PSD: variants seen among roughly 807,000 people sequenced by gnomAD.
PSD encodes pleckstrin and Sec7 domain containing.
In PSD, 32 loss-of-function variants were observed where a neutral mutation model predicts 91.6. That is an observed-to-expected ratio of 0.35 (90% CI 0.26 to 0.47). PSD has a LOEUF of 0.47. Among genes scored for constraint, PSD ranks in the 20% least tolerant of loss-of-function variants. The pLI is 1.00. For synonymous variants in PSD, 532 were observed against 569.3 expected (o/e 0.93, Z 0.93); for missense variants, 1,099 against 1,373.9 (o/e 0.80, Z 3.16).
chr10:102,407,192 C>T (rs886934402), intron 11 of PSD, 31 bp downstream of exon 11: 10 of 1,568,578 alleles, frequency 6.4e-6, no homozygotes, highest in Middle Eastern at 4.2e-4. Context: ...CATGCCCCAT[C>T]CTAGCCCCAC....
chr10:102,406,805 G>A (rs548099920), intron 11 of PSD, among the ~76,000 whole-genome samples: 20 of 152,142 alleles, frequency 1.3e-4, no homozygotes, highest in Non-Finnish European at 4.4e-5. Flanking sequence ...TCGCCTGGCC[G>A]AGTATCTATG....
chr10:102,408,218 G>C (rs2061384466), intron 10 of PSD, among the ~76,000 whole-genome samples: 1 of 152,198 alleles, frequency 6.6e-6, no homozygotes, highest in African/African-American at 2.4e-5. Flanking sequence ...CTGCATGTGA[G>C]CTGGGTGCAG....
rs762795440 is a variant in PSD at position 102,410,970 on chromosome 10, G to GT, written c.2002-24dup. 6.2e-7 allele frequency: 1 copy of GT among 1,612,608 alleles called. No homozygotes were observed. Among genetic ancestry groups the GT allele is most frequent in the Admixed American group, 1.7e-5 (1 of 60,022 alleles). ...GTTCTAAGGAAGGGAACGGAGGCCTGTGAGTTTGGAGGGCCCTTGGCCTCC... is the reference window on the plus strand; with the variant it reads ...GTTCTAAGGAAGGGAACGGAGGCCTGTTGAGTTTGGAGGGCCCTTGGCCTCC... On this transcript the variant is annotated intron_variant, in intron 9 of 16. Transcript: ENST00000020673. The surrounding 1 kb of genome is among the most constrained non-coding windows in gnomAD (Gnocchi z 6.0).
intron 1 of PSD, among the ~76,000 whole-genome samples, chr10:102,417,754 G>A (rs1331093767): frequency 2.0e-5 from 3 of 150,008 alleles, no homozygotes; most frequent in African/African-American, 7.4e-5. Context: ...TGCTGCCCAG[G>A]CTGGAGTGGA....
rs1029180797 is a variant in PSD, at chr10:102,412,669, G to A, written c.1554-94C>T. The A allele has an allele frequency of 4.0e-6, 4 of 1,011,224 alleles. No individual in the cohort carries two copies. The African/African-American group carries it at 6.5e-5, about 16-fold the overall frequency. The allele number at this position is 1,011,224 out of a possible 1,614,324, so 62.6% of individuals were successfully genotyped here. On this transcript the variant is annotated intron_variant, in intron 5 of 16. Transcript: ENST00000020673. ...CTCCAGGCCCAGAAGATGGAGAAGG[G>A]GAGGGAGTGGAGGGACATGGGGAAA... is the stretch of plus-strand genomic sequence containing the variant.
Position 102,415,161 on chromosome 10 carries a change from C to T in PSD, c.826G>A (p.Ala276Thr). The change falls in exon 4 of 17, where the codon GCT becomes ACT. Residue 276 changes from alanine to threonine, a missense_variant. Transcript: ENST00000020673. ...GVGSRQGSGV[A>T]VGRAAKYSET... ...GAGTACTTGGCTGCTCGCCCCACAG[C>T]CACCCCAGAGCCCTGCCTTGAGCCC... 1.2e-6 allele frequency: 2 copies of T among 1,613,378 alleles called. No homozygotes were observed. Among genetic ancestry groups the T allele is most frequent in the African/African-American group, 1.3e-5 (1 of 75,074 alleles).
Position 102,415,201 on chromosome 10 carries a change from TG to T in PSD, c.785del (p.Pro262HisfsTer32). ...SGAKPPEQAP[P>X]SPPGVGSRQG... ...GCCTTGAGCCCACCCCAGGTGGAGA[TG>T]GGGGGGCCTGCTCTGGGGGCTTAGC... On this transcript the variant is annotated frameshift_variant, in exon 4 of 17. Coordinates refer to ENST00000020673, the MANE Select transcript of PSD (RefSeq NM_002779.5). LOFTEE classifies it high-confidence loss of function. 1 of 1,611,186 alleles carries T rather than the reference TG, an allele frequency of 6.2e-7. No individual in the cohort carries two copies. The highest frequency in any genetic ancestry group is 1.1e-5 in the South Asian group (1 of 91,036).
rs1176552829 is a variant in PSD at position 102,404,693 on chromosome 10, T to C, written c.2590A>G (p.Ile864Val). 1.9e-6 allele frequency: 3 copies of C among 1,601,072 alleles called. No homozygotes were observed. Among genetic ancestry groups the C allele is most frequent in the Non-Finnish European group, 2.6e-6 (3 of 1,172,760 alleles). Reference sequence around the variant, plus strand: ...GAGAACATAGCGGCTACTACATTGATGCGAGTGATCCAGGACTGCATCTGC... The same window carrying C: ...GAGAACATAGCGGCTACTACATTGACGCGAGTGATCCAGGACTGCATCTGC... The part of the protein sequence containing the change: ...LEQMQSWITR[I>V]NVVAAMFSAP... Residue 864 changes from isoleucine (I) to valine (V), a missense_variant, in exon 15 of 17, where the codon ATC becomes GTC. Physicochemically the swap from Ile to Val is conservative, Grantham distance 29. Coordinates refer to ENST00000020673, the MANE Select transcript of PSD (RefSeq NM_002779.5). The surrounding 1 kb of genome is among the most constrained non-coding windows in gnomAD (Gnocchi z 5.7).
chr10:102,418,810 T>C (rs1296717246), upstream of PSD: 35 of 434,346 alleles, frequency 8.1e-5, no homozygotes, highest in Non-Finnish European at 1.4e-4. Flanking sequence ...CGCCTCTCAG[T>C]CCCTCCCCCT....
In PSD at chr10:102,403,569, G is replaced by T; in HGVS notation, c.2845-139C>A. 1.1e-6 allele frequency: 1 copy of T among 895,778 alleles called. No individual in the cohort carries two copies. The highest frequency in any genetic ancestry group is 1.7e-6 in the Non-Finnish European group (1 of 603,680). The allele number at this position is 895,778 out of a possible 1,614,324, so 55.5% of individuals were successfully genotyped here. On this transcript the variant is annotated intron_variant, in intron 16 of 16. Transcript: ENST00000020673. The surrounding 1 kb of genome is among the most constrained non-coding windows in gnomAD (Gnocchi z 6.7). ...ACTGTGAGATGGTCCCATGCGGGCT[G>T]GTGCCCCCTCTGGGCTCTCCTGGGA...
chr10:102,416,464 A>G lies in PSD; in HGVS notation c.575T>C (p.Leu192Pro). 1.2e-6 allele frequency: 2 copies of G among 1,613,320 alleles called. No individual in the cohort carries two copies. The highest frequency in any genetic ancestry group is 8.5e-7 in the Non-Finnish European group (1 of 1,179,700). The change falls in exon 2 of 17, where the codon CTC (leucine) becomes CCC (proline). Residue 192 changes from leucine (L) to proline (P), a missense_variant. Leu to Pro is a moderately conservative substitution (Grantham distance 98, BLOSUM62 -3). Transcript: ENST00000020673. The surrounding 1 kb of genome is among the most constrained non-coding windows in gnomAD (Gnocchi z 6.0). ...QVGADGLYSS[L>P]PNGLGGPPER... The stretch of plus-strand genomic sequence containing the variant: ...AGGGGGGCCCCCCAGCCCATTGGGG[A>G]GAGAGGAGTAAAGGCCATCTGCTCC...
intron 10 of PSD, chr10:102,408,958 G>C: frequency 1.0e-6 from 1 of 985,742 alleles, no homozygotes; most frequent in Middle Eastern, 3.0e-4. Context: ...GCACGGGCTT[G>C]AGGCTGCGCG....
rs2061350706 is a variant in PSD at position 102,405,500 on chromosome 10, C to T, written c.2172G>A (p.Leu724=). 1 of 1,613,820 alleles carries T rather than the reference C, an allele frequency of 6.2e-7. No homozygotes were observed. Among genetic ancestry groups the T allele is most frequent in the African/African-American group, 1.3e-5 (1 of 74,924 alleles). The part of the protein sequence containing the change: ...EEELRRSLSE[L]ADPNPKVIKR... ...TGATGACCTTGGGGTTGGGGTCGGC[C>T]AACTCAGACAGAGAGCGTCTCAGCT... The change falls in exon 12 of 17, where the codon TTG becomes TTA. Residue 724 remains leucine (L), a synonymous_variant. Coordinates refer to ENST00000020673, the MANE Select transcript of PSD (RefSeq NM_002779.5). This position sits in a 1 kb window ranked among gnomAD's most constrained non-coding sequence, Gnocchi z 5.4.
Position 102,404,144 on chromosome 10 carries a change from C to T in PSD, c.2701-159G>A, listed in dbSNP as rs985897152. Among the ~76,000 whole-genome samples the T allele has an allele frequency of 3.3e-5, 5 of 152,110 alleles. No individual in the cohort carries two copies. Among genetic ancestry groups the T allele is most frequent in the Non-Finnish European group, 5.9e-5 (4 of 68,014 alleles). ...CGGGCGGATCACGAGGTCAGGAGAT[C>T]GAGACCATCCTGGCTAACACGGTGA... On this transcript the variant is annotated intron_variant, in intron 15 of 16. Transcript: ENST00000020673. This position sits in a 1 kb window ranked among gnomAD's most constrained non-coding sequence, Gnocchi z 5.7.
chr10:102,419,831 C>A (rs187270473), upstream of PSD: 26 of 197,940 alleles, frequency 1.3e-4, no homozygotes, highest in African/African-American at 5.0e-4. The surrounding 1 kb of genome is among the most constrained non-coding windows in gnomAD (Gnocchi z 4.8). Flanking sequence ...CCAGCTACCC[C>A]CTCCCTAAGC....
intron 10 of PSD, among the ~76,000 whole-genome samples, chr10:102,407,918 TAA>T (rs1204822998): frequency 6.6e-6 from 1 of 152,178 alleles, no homozygotes; most frequent in East Asian, 1.9e-4. Context: ...AACACTCCTC[TAA>T]AAAGCAGTGG....
chr10:102,413,962 C>T lies in PSD; in HGVS notation c.1360G>A (p.Asp454Asn), dbSNP rs781188243. The T allele has an allele frequency of 8.5e-6, 13 of 1,525,274 alleles. No homozygotes were observed. Among genetic ancestry groups the T allele is most frequent in the African/African-American group, 2.8e-5 (2 of 71,170 alleles). The allele number at this position is 1,525,274 out of a possible 1,614,324, so 94.5% of individuals were successfully genotyped here. ...LPPQPPAPRPDPPAPAPLAPL... is the reference protein window; with the variant it reads ...LPPQPPAPRPNPPAPAPLAPL... ...GCAAGTGGGGCGGGAGCTGGTGGGTCGGGCCGGGGTGCAGGGGGTTGGGGA... is the reference window on the plus strand; with the variant it reads ...GCAAGTGGGGCGGGAGCTGGTGGGTTGGGCCGGGGTGCAGGGGGTTGGGGA... The change falls in exon 5 of 17, where the codon GAC becomes AAC. Residue 454 changes from aspartate to asparagine, a missense_variant. Coordinates refer to ENST00000020673, the MANE Select transcript of PSD (RefSeq NM_002779.5).
In PSD at chr10:102,417,280, T is replaced by A. The variant is rs191613707; in HGVS notation, c.-83-159A>T. Among the ~76,000 whole-genome samples the A allele has an allele frequency of 3.9e-3, 591 of 151,988 alleles. 2 individuals are homozygous for A. Among genetic ancestry groups the A allele is most frequent in the African/African-American group, 0.012 (494 of 41,444 alleles). The stretch of plus-strand genomic sequence containing the variant: ...ATTGATCCCACGCCTGGGGACTACT[T>A]CCATAGAGGCCTGACGAGAAAAGAC... On this transcript the variant is annotated intron_variant, in intron 1 of 16. Transcript: ENST00000020673.
chr10:102,415,072 C>T lies in PSD; in HGVS notation c.915G>A (p.Leu305=). ...CCGAGTCGGCCTCCTCCCGCTCAGCCAGCACCTCATCGATGTCAGTCTCGC... is the reference window on the plus strand; with the variant it reads ...CCGAGTCGGCCTCCTCCCGCTCAGCTAGCACCTCATCGATGTCAGTCTCGC... ...CYRETDIDEV[L]AEREEADSAI... The change falls in exon 4 of 17, where the codon CTG becomes CTA. Residue 305 remains leucine (L), a synonymous_variant. Transcript: ENST00000020673. 1 of 1,614,128 alleles carries T rather than the reference C, an allele frequency of 6.2e-7. No homozygotes were observed. The highest frequency in any genetic ancestry group is 8.5e-7 in the Non-Finnish European group (1 of 1,180,024).
Sources: allele counts gnomAD v4.1 joint callset (sites outside exome capture counted in the v4.1 genomes callset), GRCh38; gene constraint gnomAD v4.1.1; non-coding constraint Gnocchi (gnomAD v3.1); transcripts MANE v1.5; gene names NCBI Gene and HGNC (gene_info 2026-07-23, HGNC 2026-07-21).